Variants in HGD observed in about 807,000 individuals in gnomAD.
HGD encodes the protein homogentisate 1,2-dioxygenase, also known as homogentisate oxidase.
HGD carries 61 observed loss-of-function variants against 60.8 expected under a neutral mutation model. The ratio of observed to expected loss-of-function variants is 1.00; its 90% CI spans 0.82 to 1.24. The LOEUF (loss-of-function observed/expected upper bound fraction) is 1.24, where lower values mean the gene tolerates loss of function less well. Ranked by LOEUF, HGD falls within the 50% of genes most tolerant of loss-of-function variation. The pLI, the probability that HGD is intolerant of heterozygous loss-of-function variation, is 0.00. For missense variants in HGD, 542 were observed against 547.1 expected (o/e 0.99, Z 0.09); for synonymous variants, 212 against 187.7 (o/e 1.13, Z -1.06).
intron 2 of HGD, 37 bp downstream of exon 2, chr3:120,675,755 G>A (rs1173606542): frequency 4.6e-6 from 7 of 1,521,370 alleles, no homozygotes; most frequent in Non-Finnish European, 6.4e-6. Flanking sequence ...CCAGGAATAG[G>A]ATTCAGAGCT....
At chr3:120,644,906 A>T (rs1941113379) in intron 9 of HGD, among the ~76,000 whole-genome samples, 1 of 152,204 alleles carries the variant, frequency 6.6e-6, no homozygotes, top group Non-Finnish European at 1.5e-5. Flanking sequence ...GACAGAACTC[A>T]GATTCCAGTC....
chr3:120,633,081 G>A (rs536745742), intron 13 of HGD, 66 bp downstream of exon 13: 215 of 1,432,082 alleles, frequency 1.5e-4, no homozygotes, highest in Admixed American at 5.9e-4. Context: ...AATGAAAAAC[G>A]GCCACCCCTC....
rs1158564886 is a variant in HGD, at chr3:120,652,121, GATTTAGCAC to G, written c.342+462_342+470del. ...ATTAGATGTTTTCCATAGATATTAT[GATTTAGCAC>G]ATTAACAAGAAAGCACATGAATGAC... On this transcript the variant is annotated intron_variant, in intron 5 of 13. Coordinates refer to ENST00000283871, the MANE Select transcript of HGD (RefSeq NM_000187.4). Among the ~76,000 whole-genome samples, 41 of 152,144 alleles carry G rather than the reference GATTTAGCAC, an allele frequency of 2.7e-4. 1 individual carries two copies. Among genetic ancestry groups the G allele is most frequent in the African/African-American group, 9.2e-4 (38 of 41,520 alleles).
chr3:120,642,317 C>A (rs1351615653), intron 10 of HGD, among the ~76,000 whole-genome samples: 1 of 152,118 alleles, frequency 6.6e-6, no homozygotes, highest in African/African-American at 2.4e-5. Flanking sequence ...TTAATGAAGG[C>A]GCTACTCATA....
At chr3:120,645,355 G>C (rs1201894316) in intron 9 of HGD, among the ~76,000 whole-genome samples, 1 of 152,156 alleles carries the variant, frequency 6.6e-6, no homozygotes, top group Non-Finnish European at 1.5e-5. Context: ...CTGACCAGAA[G>C]GCACACACTG....
At position 120,641,683 on chromosome 3, in the gene HGD, G is replaced by T. The variant is rs757937852; in HGVS notation, c.785C>A (p.Pro262Gln). ...KLFAAKQDVSPFNVVAWHGNY... is the reference protein window; with the variant it reads ...KLFAAKQDVSQFNVVAWHGNY... ...CCCGTGCCAGGCCACAACATTGAAC[G>T]GGGAGACATCCTAAACACAAAAAGC... Residue 262 changes from proline to glutamine, a missense_variant, in exon 11 of 14, where the codon CCG becomes CAG. Pro to Gln is a moderately conservative substitution (Grantham distance 76). Around this residue, in one of 2 missense-constraint regions of HGD, gnomAD observed 537 missense variants for 529.1 expected, o/e 1.01. Coordinates refer to ENST00000283871, the MANE Select transcript of HGD (RefSeq NM_000187.4). 2 of 1,611,148 alleles carry T rather than the reference G, an allele frequency of 1.2e-6. No individual in the cohort carries two copies. The highest frequency in any genetic ancestry group is 1.7e-6 in the Non-Finnish European group (2 of 1,177,328).
chr3:120,650,695 G>T, intron 6 of HGD, 79 bp downstream of exon 6: 1 of 1,011,336 alleles, frequency 9.9e-7, no homozygotes, highest in Non-Finnish European at 1.6e-6. Context: ...GACTTCACAA[G>T]AGTGAAACCT....
chr3:120,628,985 C>T (rs149462547), intron 13 of HGD, among the ~76,000 whole-genome samples: 7 of 152,050 alleles, frequency 4.6e-5, no homozygotes, highest in Admixed American at 6.5e-5. Flanking sequence ...TTGCTTAAGG[C>T]GACAAGTCAT....
intron 4 of HGD, among the ~76,000 whole-genome samples, chr3:120,662,215 C>T (rs1369613279): frequency 2.6e-5 from 4 of 151,732 alleles, no homozygotes; most frequent in East Asian, 3.9e-4. Flanking sequence ...GTGGAGGGGG[C>T]GGGTGATGGT....
intron 13 of HGD, among the ~76,000 whole-genome samples, chr3:120,630,495 A>C (rs1018118670): frequency 2.0e-5 from 3 of 152,042 alleles, no homozygotes; most frequent in African/African-American, 7.2e-5. Flanking sequence ...TCCGATTTTC[A>C]ATGAAGCTGA....
At chr3:120,635,328 T>A (rs1014676422) in intron 12 of HGD, among the ~76,000 whole-genome samples, 10 of 151,836 alleles carry the variant, frequency 6.6e-5, no homozygotes, top group Admixed American at 6.6e-4. Context: ...ATACAAAAAA[T>A]TAGCCGGGCG....
intron 4 of HGD, among the ~76,000 whole-genome samples, chr3:120,660,670 C>T (rs771368449): frequency 6.6e-6 from 1 of 152,102 alleles, no homozygotes; most frequent in Non-Finnish European, 1.5e-5. Flanking sequence ...ACTAAAAATA[C>T]AAAAATTAGC....
At chr3:120,667,344 A>G (rs1576312559) in intron 4 of HGD, among the ~76,000 whole-genome samples, 1 of 151,378 alleles carries the variant, frequency 6.6e-6, no homozygotes, top group African/African-American at 2.4e-5. Flanking sequence ...AAAAAAAAAA[A>G]AAAAAAAGAC....
intron 13 of HGD, among the ~76,000 whole-genome samples, chr3:120,630,825 T>TACACAC (rs1201452131): frequency 5.1e-4 from 53 of 104,124 alleles, no homozygotes; most frequent in Admixed American, 1.3e-3. Flanking sequence ...TATATATATA[T>TACACAC]ACACATACAC....
chr3:120,678,131 G>A (rs1175372119), intron 1 of HGD: 2 of 152,194 alleles, frequency 1.3e-5, no homozygotes, highest in Admixed American at 6.5e-5. Context: ...GTTGTATACT[G>A]ATTTGTTAAA....
intron 4 of HGD, among the ~76,000 whole-genome samples, chr3:120,668,890 G>A (rs948809971): frequency 6.6e-6 from 1 of 152,070 alleles, no homozygotes; most frequent in Admixed American, 6.6e-5. Flanking sequence ...TAAACTCAGG[G>A]ACAAAGGCAA....
chr3:120,637,243 CACTTA>C (rs1418825493), intron 12 of HGD, among the ~76,000 whole-genome samples: 1 of 148,212 alleles, frequency 6.7e-6, no homozygotes, highest in African/African-American at 2.5e-5. Context: ...CCTGACTCTA[CACTTA>C]ACTTGCTGTG....
Position 120,647,057 on chromosome 3 carries a change from C to CA in HGD, c.470-6dup. Reference sequence around the variant, plus strand: ...GAAGGTTCCCTTTCTGCGGAACTGACAAAAAAAGACAGGGCAGTGGTGAGC... The same window carrying CA: ...GAAGGTTCCCTTTCTGCGGAACTGACAAAAAAAAGACAGGGCAGTGGTGAGC... On this transcript the variant is annotated splice_region_variant and splice_polypyrimidine_tract_variant and intron_variant, in intron 7 of 13. Transcript: ENST00000283871. 3 of 1,612,224 alleles carry CA rather than the reference C, an allele frequency of 1.9e-6. No homozygotes were observed. Among genetic ancestry groups the CA allele is most frequent in the Non-Finnish European group, 2.5e-6 (3 of 1,178,454 alleles).
At chr3:120,655,724 C>A (rs986601742) in intron 4 of HGD, among the ~76,000 whole-genome samples, 1 of 152,224 alleles carries the variant, frequency 6.6e-6, no homozygotes, top group Admixed American at 6.5e-5. Context: ...GGAGCAGTAA[C>A]TCTCTGAGCC....
Sources: allele counts gnomAD v4.1 joint callset (sites outside exome capture counted in the v4.1 genomes callset), GRCh38; gene constraint gnomAD v4.1.1; regional missense constraint gnomAD v4.1.1; transcripts MANE v1.5; gene names NCBI Gene and HGNC (gene_info 2026-07-23, HGNC 2026-07-21).